Variants in TACR3 observed in about 807,000 individuals in gnomAD.
The protein encoded by TACR3 is neuromedin-K receptor.
A neutral mutation model predicts 35.0 loss-of-function variants in TACR3; 34 were observed. The observed-to-expected ratio is 0.97, with a 90% CI of 0.74 to 1.30. The LOEUF (loss-of-function observed/expected upper bound fraction) is 1.30, where lower values mean the gene tolerates loss of function less well. Ranked by LOEUF, TACR3 falls within the 50% of genes most tolerant of loss-of-function variation. The pLI is 0.00. For missense variants in TACR3, 558 were observed against 591.7 expected, an observed-to-expected ratio of 0.94 and a Z score of 0.59; for synonymous variants, 233 against 221.1, an observed-to-expected ratio of 1.05 and a Z score of -0.48.
rs72945384 is a variant in TACR3, at chr4:103,657,240, T to G, written c.738-896A>C. ...AGTGTTTTTTTTGTTTTGTTTTGTTTTTTGTAAAGTGAATCTTAAATATCC... is the reference window on the plus strand; with the variant it reads ...AGTGTTTTTTTTGTTTTGTTTTGTTGTTTGTAAAGTGAATCTTAAATATCC... On this transcript the variant is annotated intron_variant, in intron 2 of 4. Coordinates refer to ENST00000304883, the MANE Select transcript of TACR3 (RefSeq NM_001059.3). 8.9e-3 allele frequency among the ~76,000 whole-genome samples: 1,348 copies of G among 152,210 alleles called. 21 individuals are homozygous for G. Among genetic ancestry groups the G allele is most frequent in the African/African-American group, 0.03 (1,238 of 41,570 alleles).
intron 1 of TACR3, among the ~76,000 whole-genome samples, chr4:103,707,029 GA>G (rs1380620209): frequency 4.6e-5 from 7 of 152,190 alleles, no homozygotes; most frequent in African/African-American, 1.4e-4. Flanking sequence ...TTTAGTACCT[GA>G]AAATGTCGTT....
At chr4:103,619,155 G>T (rs1185342575) in intron 3 of TACR3, among the ~76,000 whole-genome samples, 1 of 152,004 alleles carries the variant, frequency 6.6e-6, no homozygotes, top group East Asian at 1.9e-4. Flanking sequence ...GGTTTTCTAG[G>T]TATACAATCA....
intron 1 of TACR3, among the ~76,000 whole-genome samples, chr4:103,689,027 A>G (rs1446737009): frequency 1.3e-5 from 2 of 152,116 alleles, no homozygotes; most frequent in Non-Finnish European, 2.9e-5. Context: ...AGACTGGATT[A>G]AGAAAATGTG....
At chr4:103,674,442 C>T (rs888274611) in intron 1 of TACR3, among the ~76,000 whole-genome samples, 4 of 152,148 alleles carry the variant, frequency 2.6e-5, no homozygotes, top group African/African-American at 9.6e-5. Flanking sequence ...CCTCACAACT[C>T]TGAGATTCTA....
At chr4:103,661,823 G>C (rs1417525403) in intron 1 of TACR3, among the ~76,000 whole-genome samples, 4 of 152,246 alleles carry the variant, frequency 2.6e-5, no homozygotes, top group Non-Finnish European at 5.9e-5. Flanking sequence ...TAGCTGGTCT[G>C]ATCCATGATT....
chr4:103,655,009 G>A (rs1015790995), intron 3 of TACR3, among the ~76,000 whole-genome samples: 6 of 152,098 alleles, frequency 3.9e-5, no homozygotes, highest in Non-Finnish European at 4.4e-5. Context: ...TTATTTTTAA[G>A]TAAAGCTTTT....
rs33988758 is a variant in TACR3, at chr4:103,627,181, C to CAAAAAAA, written c.888+29006_888+29012dup. Among the ~76,000 whole-genome samples the CAAAAAAA allele has an allele frequency of 1.6e-4, 4 of 24,704 alleles. 1 individual carries two copies. The highest frequency in any genetic ancestry group is 7.5e-4 in the Admixed American group (1 of 1,334). 16.2% of individuals were successfully genotyped at this position (24,704 alleles called of 152,430 possible). ...CAAGTGACGGTGTGAGACTCCGTCT[C>CAAAAAAA]AAAAAAAAAAAAAAAAAAAAAAAAA... On this transcript the variant is annotated intron_variant, in intron 3 of 4. Transcript: ENST00000304883.
At chr4:103,652,752 C>T (rs1157802132) in intron 3 of TACR3, among the ~76,000 whole-genome samples, 1 of 151,652 alleles carries the variant, frequency 6.6e-6, no homozygotes, top group African/African-American at 2.4e-5. Context: ...ACTCATGTAG[C>T]CAATACTTTT....
chr4:103,597,442 A>T (rs1271696742), intron 3 of TACR3, among the ~76,000 whole-genome samples: 1 of 152,004 alleles, frequency 6.6e-6, no homozygotes, highest in African/African-American at 2.4e-5. Context: ...TTTTGATTAG[A>T]ATCCTTTTTT....
chr4:103,681,747 C>T (rs1041617174), intron 1 of TACR3, among the ~76,000 whole-genome samples: 1 of 151,910 alleles, frequency 6.6e-6, no homozygotes, highest in African/African-American at 2.4e-5. Context: ...TAAATAACTC[C>T]ACCAATGAAC....
At chr4:103,716,905 A>C (rs1305283533) in intron 1 of TACR3, among the ~76,000 whole-genome samples, 2 of 152,194 alleles carry the variant, frequency 1.3e-5, no homozygotes, top group Non-Finnish European at 2.9e-5. Flanking sequence ...TCTTAGCTAA[A>C]TGAGTCAGTA....
At chr4:103,676,334 TA>T (rs1228648685) in intron 1 of TACR3, among the ~76,000 whole-genome samples, 12 of 152,280 alleles carry the variant, frequency 7.9e-5, no homozygotes, top group African/African-American at 2.9e-4. Context: ...ATAACAAACA[TA>T]ACACTATCAT....
At chr4:103,623,356 A>G (rs1341765606) in intron 3 of TACR3, among the ~76,000 whole-genome samples, 1 of 152,128 alleles carries the variant, frequency 6.6e-6, no homozygotes, top group Non-Finnish European at 1.5e-5. Flanking sequence ...AAATCATGCA[A>G]AGATAGACAC....
intron 1 of TACR3, among the ~76,000 whole-genome samples, chr4:103,680,627 C>T (rs1722036989): frequency 6.6e-6 from 1 of 151,012 alleles, no homozygotes; most frequent in Admixed American, 6.6e-5. Context: ...AGAATATTTT[C>T]TCATTTGTAC....
At chr4:103,642,970 A>G (rs561014821) in intron 3 of TACR3, among the ~76,000 whole-genome samples, 2 of 151,976 alleles carry the variant, frequency 1.3e-5, no homozygotes, top group South Asian at 4.1e-4. Flanking sequence ...TGAAATTTCA[A>G]AAAGGCAAGT....
chr4:103,703,420 A>C (rs1418988619), intron 1 of TACR3, among the ~76,000 whole-genome samples: 1 of 152,164 alleles, frequency 6.6e-6, no homozygotes, highest in African/African-American at 2.4e-5. Context: ...AAAACTATAA[A>C]AGAAAATAAA....
intron 1 of TACR3, among the ~76,000 whole-genome samples, chr4:103,686,586 C>T (rs905627546): frequency 2.1e-4 from 32 of 152,114 alleles, no homozygotes; most frequent in Admixed American, 1.8e-3. Context: ...ATAGTTGTTA[C>T]ATTCAATTAT....
chr4:103,673,796 T>C (rs1368776005), intron 1 of TACR3, among the ~76,000 whole-genome samples: 2 of 152,212 alleles, frequency 1.3e-5, no homozygotes, highest in Non-Finnish European at 2.9e-5. Context: ...TATGCCTGTA[T>C]GTGTTAGGTT....
At position 103,596,082 on chromosome 4, in the gene TACR3, A is replaced by C. The variant is rs532647467; in HGVS notation, c.889-4399T>G. On this transcript the variant is annotated intron_variant, in intron 3 of 4. Transcript: ENST00000304883. Reference sequence around the variant, plus strand: ...ATGTCCCTACAAAGGACATGAACTCATCCTTTTTTATGGCTGCATAGTATT... The same window carrying C: ...ATGTCCCTACAAAGGACATGAACTCCTCCTTTTTTATGGCTGCATAGTATT... 7.1e-3 allele frequency among the ~76,000 whole-genome samples: 1,066 copies of C among 150,446 alleles called. 16 individuals are homozygous for C. Among genetic ancestry groups the C allele is most frequent in the African/African-American group, 0.025 (1,022 of 40,846 alleles).
Sources: gnomAD v4.1 joint callset for allele counts (sites outside exome capture counted in the v4.1 genomes callset) on GRCh38, gnomAD v4.1.1 for gene constraint, MANE v1.5 for transcripts, NCBI Gene and HGNC (gene_info 2026-07-23, HGNC 2026-07-21) for gene names.